The following AVIL variants were observed in gnomAD, a reference collection of about 807,000 sequenced individuals.
AVIL encodes advillin.
A neutral mutation model predicts 109.9 loss-of-function variants in AVIL; 78 were observed. The ratio of observed to expected loss-of-function variants is 0.71; its 90% CI spans 0.59 to 0.86. AVIL has a LOEUF of 0.86. Ranked by LOEUF, AVIL falls within the 40% of genes least tolerant of loss-of-function variation. The probability of loss-of-function intolerance (pLI) is 0.00; values close to 1 mark genes in which losing one functional copy is unlikely to be tolerated. For synonymous variants in AVIL, 367 were observed against 379.1 expected (o/e 0.97, Z 0.37); for missense variants, 892 against 1,016.5 (o/e 0.88, Z 1.67).
rs926112478 is a variant in AVIL at position 57,800,768 on chromosome 12, C to T, written c.2220+376G>A. ...GACTACAGGCGCATGCCACCACGGC[C>T]GGCTAATTTTCATATTTTTAGTAGA... On this transcript the variant is annotated intron_variant, in intron 18 of 19. Coordinates refer to ENST00000549994, the MANE Select transcript of AVIL (RefSeq NM_006576.4). The T allele has an allele frequency of 3.1e-5, 5 of 161,034 alleles. No homozygotes were observed. In the East Asian group the frequency reaches 7.2e-4, roughly 23 times the overall value. The allele number at this position is 161,034 out of a possible 1,614,324, so 10.0% of individuals were successfully genotyped here. A position where few individuals can be genotyped will look rare whatever the true frequency, so the allele number is the denominator to read the frequency against.
intron 11 of AVIL, 88 bp from the exon 12 acceptor site, chr12:57,807,815 G>A (rs111374849): frequency 6.4e-7 from 1 of 1,561,874 alleles, no homozygotes. Context: ...GGTGGGAAAG[G>A]TGCTGACGTT....
chr12:57,808,707 C>A (rs751506878), intron 9 of AVIL, 159 bp from the exon 10 acceptor site: 9 of 833,906 alleles, frequency 1.1e-5, no homozygotes, highest in Non-Finnish European at 1.6e-5. Context: ...GACCAAGGTA[C>A]CTGCCTAAAA....
chr12:57,807,182 T>G, intron 13 of AVIL, 149 bp downstream of exon 13: 1 of 1,160,074 alleles, frequency 8.6e-7, no homozygotes, highest in African/African-American at 1.5e-5. Context: ...TTCACTTGAC[T>G]GTCTTAGAGG....
At position 57,799,793 on chromosome 12, in the gene AVIL, A is replaced by G; in HGVS notation, c.2346+2T>C. The G allele has an allele frequency of 6.2e-7, 1 of 1,613,706 alleles. No homozygotes were observed. The highest frequency in any genetic ancestry group is 1.1e-5 in the South Asian group (1 of 91,072). On this transcript the variant is annotated splice_donor_variant, in intron 19 of 19. Coordinates refer to ENST00000549994, the MANE Select transcript of AVIL (RefSeq NM_006576.4). LOFTEE classifies it high-confidence loss of function. ...ACAGACACAGTTCCTTCAGCCACTC[A>G]CCTCCTTTTTGGCAGGGTTTACATC...
At chr12:57,814,393 A>G (rs1342596163) in intron 2 of AVIL, 167 bp from the exon 3 acceptor site, 4 of 645,440 alleles carry the variant, frequency 6.2e-6, no homozygotes, top group Non-Finnish European at 1.1e-5. Flanking sequence ...TAACGTGGCC[A>G]TCCCTCTGGC....
At chr12:57,798,490 C>T (rs1955780678) in intron 19 of AVIL, among the ~76,000 whole-genome samples, 1 of 152,086 alleles carries the variant, frequency 6.6e-6, no homozygotes, top group Non-Finnish European at 1.5e-5. Flanking sequence ...AATATATGGG[C>T]TTTGCTTTCA....
At chr12:57,817,256 T>C (rs1166591358) in intron 1 of AVIL, among the ~76,000 whole-genome samples, 2 of 151,892 alleles carry the variant, frequency 1.3e-5, no homozygotes, top group East Asian at 1.9e-4. Context: ...CAGAAAGGAC[T>C]GTATGCATTT....
intron 13 of AVIL, 140 bp downstream of exon 13, chr12:57,807,191 G>A (rs1279881891): frequency 1.6e-6 from 2 of 1,253,820 alleles, no homozygotes; most frequent in South Asian, 1.4e-5. Flanking sequence ...CTGTCTTAGA[G>A]GGATTAACCC....
At chr12:57,813,453 AG>A (rs1460427075) in intron 3 of AVIL, 30 bp from the exon 4 acceptor site, 2 of 1,597,580 alleles carry the variant, frequency 1.3e-6, no homozygotes, top group African/African-American at 2.7e-5. Flanking sequence ...ATCAGGTCAG[AG>A]GCCAGCTCAC....
At position 57,807,650 on chromosome 12, in the gene AVIL, A is replaced by G. The variant is rs753618079; in HGVS notation, c.1272T>C (p.Tyr424=). ...WYGFFYGGDC[Y]LVLYTYEVNG... is the part of the protein sequence containing the mutation. ...TTACCTCGTATGTGTAGAGGACCAG[A>G]TAACAGTCTCCCCCATAAAAGAAGC... The change falls in exon 12 of 20, where the codon TAT becomes TAC. Residue 424 remains tyrosine, a synonymous_variant. Transcript: ENST00000549994. The G allele has an allele frequency of 7.4e-6, 12 of 1,614,208 alleles. No homozygotes were observed. The highest frequency in any genetic ancestry group is 1.0e-5 in the Non-Finnish European group (12 of 1,180,030).
intron 4 of AVIL, 147 bp from the exon 5 acceptor site, chr12:57,811,274 A>C: frequency 1.4e-6 from 1 of 723,342 alleles, no homozygotes; most frequent in South Asian, 1.8e-5. Flanking sequence ...GCTGCCCCAC[A>C]AGTAGACTGG....
In AVIL at chr12:57,811,054, G is replaced by A. The variant is rs1364030560; in HGVS notation, c.412C>T (p.His138Tyr). 2 of 1,614,178 alleles carry A rather than the reference G, an allele frequency of 1.2e-6. No individual in the cohort carries two copies. The highest frequency in any genetic ancestry group is 2.2e-5 in the East Asian group (1 of 44,886). ...CTGATGTTTCTTTTCCCTTTCACATGTAGCAGCCGCTTCACGTCGTAGGTA... is the reference window on the plus strand; with the variant it reads ...CTGATGTTTCTTTTCCCTTTCACATATAGCAGCCGCTTCACGTCGTAGGTA... ...TNTYDVKRLL[H>Y]VKGKRNIRAT... Residue 138 changes from histidine (H) to tyrosine (Y), a missense_variant, in exon 5 of 20, where the codon CAT becomes TAT. His to Tyr is a moderately conservative substitution (Grantham distance 83, BLOSUM62 2). Transcript: ENST00000549994.
chr12:57,798,079 A>G lies in AVIL; in HGVS notation c.2347-84T>C, dbSNP rs2140431809. ...AGTTGAGGAAGTTGGAGCAAGAGGG[A>G]GTTCTAGGTGGATCCTTGAAGAGGG... On this transcript the variant is annotated intron_variant, in intron 19 of 19. Transcript: ENST00000549994. 6.6e-6 allele frequency: 6 copies of G among 907,952 alleles called. No individual in the cohort carries two copies. The Admixed American group carries it at 8.3e-5, about 13-fold the overall frequency. The allele number at this position is 907,952 out of a possible 1,614,324, so 56.2% of individuals were successfully genotyped here.
Position 57,815,974 on chromosome 12 carries a change from C to T in AVIL, c.66+1G>A, listed in dbSNP as rs914491853. On this transcript the variant is annotated splice_donor_variant, in intron 2 of 19. Coordinates refer to ENST00000549994, the MANE Select transcript of AVIL (RefSeq NM_006576.4). LOFTEE classifies it high-confidence loss of function. ...AGTAAGGTGCCTCCAGCCCAGCTCA[C>T]CTCTATTCTCCAGACAATGATCCCA... is the stretch of plus-strand genomic sequence containing the variant. 6.2e-7 allele frequency: 1 copy of T among 1,614,068 alleles called. No individual in the cohort carries two copies. The highest frequency in any genetic ancestry group is 1.3e-5 in the African/African-American group (1 of 74,948).
At chr12:57,814,131 A>G in intron 3 of AVIL, 21 bp downstream of exon 3, 7 of 1,611,036 alleles carry the variant, frequency 4.3e-6, no homozygotes, top group Non-Finnish European at 5.9e-6. Context: ...GGCTCACAGG[A>G]GTGGGGAGGA....
chr12:57,802,274 C>T lies in AVIL; in HGVS notation c.2037G>A (p.Leu679=), dbSNP rs1397822579. ...ESALATAQQY[L]HTHPSGRDPD... ...GATCTCGGCCGCTGGGGTGAGTGTGCAGGTACTGCTGTGCTGTGGCAAGGG... is the reference window on the plus strand; with the variant it reads ...GATCTCGGCCGCTGGGGTGAGTGTGTAGGTACTGCTGTGCTGTGGCAAGGG... The change falls in exon 17 of 20, where the codon CTG becomes CTA. Residue 679 remains leucine, a synonymous_variant. Coordinates refer to ENST00000549994, the MANE Select transcript of AVIL (RefSeq NM_006576.4). The T allele has an allele frequency of 6.2e-7, 1 of 1,613,840 alleles. No homozygotes were observed. The highest frequency in any genetic ancestry group is 8.5e-7 in the Non-Finnish European group (1 of 1,179,952).
intron 1 of AVIL, among the ~76,000 whole-genome samples, chr12:57,817,378 T>G (rs1338896705): frequency 6.7e-6 from 1 of 150,114 alleles, no homozygotes; most frequent in Non-Finnish European, 1.5e-5. Flanking sequence ...AGTATGGACT[T>G]TGGCAAAAAA....
rs767416824 is a variant in AVIL, at chr12:57,803,673, A to C, written c.1672-4T>G. On this transcript the variant is annotated splice_polypyrimidine_tract_variant and splice_region_variant and intron_variant, in intron 14 of 19. Transcript: ENST00000549994. Reference sequence around the variant, plus strand: ...CCCGCTCATCCCCACTAGACCCCTGAGAGTGGGGCGAGGAGAGCACAGATG... The same window carrying C: ...CCCGCTCATCCCCACTAGACCCCTGCGAGTGGGGCGAGGAGAGCACAGATG... 2 of 1,613,594 alleles carry C rather than the reference A, an allele frequency of 1.2e-6. No homozygotes were observed. The highest frequency in any genetic ancestry group is 2.7e-5 in the African/African-American group (2 of 74,918).
At chr12:57,815,611 C>T (rs1363323174) in intron 2 of AVIL, 33 of 1,294,000 alleles carry the variant, frequency 2.6e-5, no homozygotes, top group East Asian at 1.0e-4. Flanking sequence ...CAGGGTGCCC[C>T]GTGGAAGACA....
Sources: allele counts gnomAD v4.1 joint callset (sites outside exome capture counted in the v4.1 genomes callset), GRCh38; gene constraint gnomAD v4.1.1; transcripts MANE v1.5; gene names NCBI Gene and HGNC (gene_info 2026-07-23, HGNC 2026-07-21).